The following RLF variants were observed in gnomAD, a reference collection of about 807,000 sequenced individuals.
RLF encodes the protein zinc finger protein Rlf.
A neutral mutation model predicts 162.9 loss-of-function variants in RLF; 7 were observed. The ratio of observed to expected loss-of-function variants is 0.04; its 90% CI spans 0.02 to 0.08. RLF has a LOEUF of 0.08. RLF is among the 10% of genes least tolerant of loss of function. The probability of loss-of-function intolerance (pLI) is 1.00; values close to 1 mark genes in which losing one functional copy is unlikely to be tolerated. For synonymous variants in RLF, 782 were observed against 791.5 expected (o/e 0.99, Z 0.20); for missense variants, 1,664 against 2,244.7 (o/e 0.74, Z 5.23).
chr1:40,210,417 G>A (rs891539145), intron 5 of RLF, among the ~76,000 whole-genome samples: 43 of 152,304 alleles, frequency 2.8e-4, no homozygotes, highest in African/African-American at 1.0e-3. Flanking sequence ...TGGTAGTAAA[G>A]CACAGGTACT....
At chr1:40,200,867 T>TACAC (rs71060356) in intron 4 of RLF, among the ~76,000 whole-genome samples, 390 of 34,844 alleles carry the variant, frequency 0.011, 18 homozygotes, top group East Asian at 0.013. Context: ...ATTGCTACTC[T>TACAC]ACACACACAC....
rs1392531365 is a variant in RLF, at chr1:40,239,482, T to C, written c.4780T>C (p.Tyr1594His). 4.3e-6 allele frequency: 7 copies of C among 1,613,994 alleles called. No homozygotes were observed. Among genetic ancestry groups the C allele is most frequent in the Non-Finnish European group, 5.9e-6 (7 of 1,180,030 alleles). The change falls in exon 8 of 8, where the codon TAC becomes CAC. Residue 1594 changes from tyrosine (Y) to histidine (H), a missense_variant. This residue lies in a region of RLF where 327 missense variants were observed against 342.7 expected (regional missense o/e 0.95). Coordinates refer to ENST00000372771, the MANE Select transcript of RLF (RefSeq NM_012421.4). ...QMENLVVCVK[Y>H]GTKIKEEPPS... ...GGAGAATCTTGTTGTTTGCGTTAAG[T>C]ACGGTACCAAAATTAAGGAGGAACC...
At chr1:40,207,473 G>A (rs958744129) in intron 5 of RLF, among the ~76,000 whole-genome samples, 1 of 152,176 alleles carries the variant, frequency 6.6e-6, no homozygotes, top group African/African-American at 2.4e-5. Context: ...ACCAAGTACA[G>A]TGTTGTGATT....
At chr1:40,220,253 C>T (rs1239408153) in intron 5 of RLF, among the ~76,000 whole-genome samples, 1 of 152,056 alleles carries the variant, frequency 6.6e-6, no homozygotes, top group Non-Finnish European at 1.5e-5. Context: ...AACAAAAGTG[C>T]TTCTACTCCT....
intron 3 of RLF, among the ~76,000 whole-genome samples, chr1:40,194,873 A>C (rs1642609366): frequency 6.6e-6 from 1 of 151,562 alleles, no homozygotes; most frequent in South Asian, 2.1e-4. Context: ...TTGTTCTGTC[A>C]CCCAGGCTGG....
chr1:40,161,653 C>T lies in RLF; in HGVS notation c.237+17C>T, dbSNP rs1642086604. 6.2e-7 allele frequency: 1 copy of T among 1,606,972 alleles called. No individual in the cohort carries two copies. The highest frequency in any genetic ancestry group is 1.7e-5 in the Admixed American group (1 of 59,092). On this transcript the variant is annotated intron_variant, in intron 1 of 7. Coordinates refer to ENST00000372771, the MANE Select transcript of RLF (RefSeq NM_012421.4). The surrounding 1 kb of genome is among the most constrained non-coding windows in gnomAD (Gnocchi z 4.4). ...TTCTGCCAGGTGAGGGGCTGACTGGCTGGCTGAGGGCGGCGGGGCGGGGAA... is the reference window on the plus strand; with the variant it reads ...TTCTGCCAGGTGAGGGGCTGACTGGTTGGCTGAGGGCGGCGGGGCGGGGAA...
Position 40,240,500 on chromosome 1 carries a change from A to G in RLF, c.*53A>G. ...GGCTCCAACACTGCAACATGGGGACATTTGCCAACTCGAACAAAGGCTGAG... is the reference window on the plus strand; with the variant it reads ...GGCTCCAACACTGCAACATGGGGACGTTTGCCAACTCGAACAAAGGCTGAG... On this transcript the variant is annotated 3_prime_UTR_variant, in exon 8 of 8. Transcript: ENST00000372771. 7.6e-7 allele frequency: 1 copy of G among 1,310,750 alleles called. No individual in the cohort carries two copies. Among genetic ancestry groups the G allele is most frequent in the Non-Finnish European group, 1.1e-6 (1 of 929,232 alleles). The allele number at this position is 1,310,750 out of a possible 1,614,324, so 81.2% of individuals were successfully genotyped here.
chr1:40,162,758 T>C (rs1218215765), intron 1 of RLF, among the ~76,000 whole-genome samples: 3 of 152,230 alleles, frequency 2.0e-5, no homozygotes, highest in African/African-American at 7.2e-5. Flanking sequence ...ACTAATCTTT[T>C]CCGTGGATTG....
chr1:40,185,521 A>T (rs1328146498), intron 1 of RLF, among the ~76,000 whole-genome samples: 1 of 110,794 alleles, frequency 9.0e-6, no homozygotes, highest in African/African-American at 4.9e-5. Flanking sequence ...TTGCATTAAA[A>T]AAAAAAAAAA....
At chr1:40,196,063 T>C (rs1206221032) in intron 4 of RLF, among the ~76,000 whole-genome samples, 2 of 152,074 alleles carry the variant, frequency 1.3e-5, no homozygotes, top group Non-Finnish European at 2.9e-5. Flanking sequence ...AGAGCTTTGC[T>C]TATACTTTTC....
At chr1:40,235,626 T>C (rs1346144073) in intron 7 of RLF, among the ~76,000 whole-genome samples, 166 bp from the exon 8 acceptor site, 1 of 152,220 alleles carries the variant, frequency 6.6e-6, no homozygotes, top group Non-Finnish European at 1.5e-5. Context: ...TTTAGTTCTT[T>C]GCATGTTGAG....
intron 5 of RLF, among the ~76,000 whole-genome samples, chr1:40,209,797 A>G (rs1642843535): frequency 6.6e-6 from 1 of 151,996 alleles, no homozygotes; most frequent in African/African-American, 2.4e-5. Context: ...GAATCACTTG[A>G]ACCCAGGAGG....
intron 6 of RLF, among the ~76,000 whole-genome samples, chr1:40,225,601 G>T (rs1643059695): frequency 7.1e-6 from 1 of 140,260 alleles, no homozygotes; most frequent in African/African-American, 2.9e-5. Flanking sequence ...AAAAAGCCGG[G>T]CGCGGTGGCT....
intron 4 of RLF, among the ~76,000 whole-genome samples, chr1:40,196,627 G>A (rs761251123): frequency 6.6e-6 from 1 of 152,090 alleles, no homozygotes; most frequent in African/African-American, 2.4e-5. Flanking sequence ...TGCCTCACAA[G>A]TAACTGGGAC....
chr1:40,210,297 A>G (rs899446657), intron 5 of RLF, among the ~76,000 whole-genome samples: 1 of 152,244 alleles, frequency 6.6e-6, no homozygotes, highest in Non-Finnish European at 1.5e-5. Flanking sequence ...ATTCAGTAGA[A>G]GTGTAAAGAT....
At position 40,239,946 on chromosome 1, in the gene RLF, G is replaced by T. The variant is rs1340288556; in HGVS notation, c.5244G>T (p.Glu1748Asp). 2 of 1,613,482 alleles carry T rather than the reference G, an allele frequency of 1.2e-6. No homozygotes were observed. Among genetic ancestry groups the T allele is most frequent in the African/African-American group, 2.7e-5 (2 of 74,914 alleles). ...TVKNPTHVPK[E>D]NFRKHSQPRS... Reference sequence around the variant, plus strand: ...AAAATCCAACCCATGTCCCAAAAGAGAATTTTAGGAAACATTCACAGCCCC... The same window carrying T: ...AAAATCCAACCCATGTCCCAAAAGATAATTTTAGGAAACATTCACAGCCCC... Residue 1748 changes from glutamate (E) to aspartate (D), a missense_variant, in exon 8 of 8, where the codon GAG (glutamate) becomes GAT (aspartate). By Grantham distance (45) the Glu-to-Asp change is conservative. Around this residue, in one of 15 missense-constraint regions of RLF, gnomAD observed 327 missense variants for 342.7 expected, o/e 0.95. Coordinates refer to ENST00000372771, the MANE Select transcript of RLF (RefSeq NM_012421.4).
chr1:40,171,022 GT>G (rs1642237011), intron 1 of RLF, among the ~76,000 whole-genome samples: 2 of 151,896 alleles, frequency 1.3e-5, no homozygotes, highest in Admixed American at 6.6e-5. Context: ...TTGTTTGTTT[GT>G]TTGTTTGTTT....
chr1:40,228,672 A>T (rs1390658310), intron 6 of RLF, among the ~76,000 whole-genome samples: 1 of 151,980 alleles, frequency 6.6e-6, no homozygotes. Flanking sequence ...GCCAGGCTGG[A>T]GTATAGTGGC....
intron 1 of RLF, among the ~76,000 whole-genome samples, chr1:40,184,459 A>G (rs1642445869): frequency 6.6e-6 from 1 of 152,230 alleles, no homozygotes; most frequent in Admixed American, 6.5e-5. Context: ...TGGTGGTTTC[A>G]AAGATAGTTT....
Sources: gnomAD v4.1 joint callset for allele counts (sites outside exome capture counted in the v4.1 genomes callset) on GRCh38, gnomAD v4.1.1 for gene constraint, gnomAD v4.1.1 regional missense constraint, Gnocchi (gnomAD v3.1) non-coding constraint, MANE v1.5 for transcripts, NCBI Gene and HGNC (gene_info 2026-07-23, HGNC 2026-07-21) for gene names.